Variants in OSBPL1A observed in about 807,000 individuals in gnomAD.
The protein encoded by OSBPL1A is oxysterol binding protein like 1A, also known as oxysterol-binding protein-related protein 1.
OSBPL1A carries 80 observed loss-of-function variants against 137.1 expected under a neutral mutation model. That is an observed-to-expected ratio of 0.58 (90% CI 0.49 to 0.70). OSBPL1A has a LOEUF of 0.70. Ranked by LOEUF, OSBPL1A falls within the 30% of genes least tolerant of loss-of-function variation. The pLI is 0.00. For synonymous variants in OSBPL1A, 365 were observed against 389.7 expected (o/e 0.94, Z 0.75); for missense variants, 970 against 1,129.4 (o/e 0.86, Z 2.02).
At chr18:24,244,622 G>C (rs1217553430) in intron 15 of OSBPL1A, among the ~76,000 whole-genome samples, 1 of 152,196 alleles carries the variant, frequency 6.6e-6, no homozygotes, top group African/African-American at 2.4e-5. Context: ...AAATACAAAT[G>C]TAAGCCTTTC....
intron 17 of OSBPL1A, among the ~76,000 whole-genome samples, chr18:24,202,227 G>C (rs563221753): frequency 6.6e-6 from 1 of 152,290 alleles, no homozygotes; most frequent in East Asian, 1.9e-4. Flanking sequence ...GGCAAATCTT[G>C]CAAGTCGAAG....
chr18:24,255,909 C>T (rs752788928), intron 15 of OSBPL1A, among the ~76,000 whole-genome samples: 1 of 152,106 alleles, frequency 6.6e-6, no homozygotes, highest in Non-Finnish European at 1.5e-5. Flanking sequence ...ATTCTCCTGC[C>T]TCAGCCCCCC....
At chr18:24,358,181 G>A (rs1568050887) in intron 4 of OSBPL1A, 1 of 456,048 alleles carries the variant, frequency 2.2e-6, no homozygotes, top group African/African-American at 2.0e-5. Context: ...ATGGACAAGG[G>A]CAGCAACTCC....
At chr18:24,183,485 T>C (rs1292248271) in intron 18 of OSBPL1A, among the ~76,000 whole-genome samples, 1 of 151,064 alleles carries the variant, frequency 6.6e-6, no homozygotes, top group East Asian at 1.9e-4. Flanking sequence ...CAGGCTGGAG[T>C]GCAAAGGCGC....
chr18:24,342,107 A>C (rs956468417), intron 4 of OSBPL1A, among the ~76,000 whole-genome samples: 49 of 152,258 alleles, frequency 3.2e-4, no homozygotes, highest in African/African-American at 1.2e-3. Flanking sequence ...TATTTTCTAA[A>C]GTGATATACC....
intron 16 of OSBPL1A, among the ~76,000 whole-genome samples, chr18:24,231,123 A>G (rs1343069343): frequency 1.3e-5 from 2 of 152,166 alleles, no homozygotes; most frequent in African/African-American, 2.4e-5. Context: ...TGAAAAACAT[A>G]TATTTTACAA....
chr18:24,175,541 G>A (rs1390926463), intron 21 of OSBPL1A, among the ~76,000 whole-genome samples: 3 of 152,064 alleles, frequency 2.0e-5, no homozygotes, highest in Admixed American at 2.0e-4. Context: ...GTGGCTACAA[G>A]TCCTTTGTTG....
intron 7 of OSBPL1A, chr18:24,321,607 T>C (rs563982885): frequency 5.2e-5 from 24 of 463,822 alleles, no homozygotes; most frequent in Admixed American, 3.4e-4. Context: ...ATTTTCAATT[T>C]ACAATGGTTC....
intron 17 of OSBPL1A, among the ~76,000 whole-genome samples, chr18:24,201,221 C>T (rs567485156): frequency 6.6e-6 from 1 of 152,256 alleles, no homozygotes; most frequent in African/African-American, 2.4e-5. Flanking sequence ...TAGACAACAG[C>T]ACAATAACTG....
At chr18:24,232,025 A>G (rs2088299758) in intron 16 of OSBPL1A, among the ~76,000 whole-genome samples, 2 of 152,216 alleles carry the variant, frequency 1.3e-5, no homozygotes, top group South Asian at 4.1e-4. Flanking sequence ...AACAGCCAGG[A>G]AACGCACACA....
At chr18:24,335,579 A>G (rs1052320432) in intron 5 of OSBPL1A, among the ~76,000 whole-genome samples, 2 of 152,210 alleles carry the variant, frequency 1.3e-5, no homozygotes, top group African/African-American at 2.4e-5. Flanking sequence ...AATTTCAGAG[A>G]ACGACTTGGT....
intron 12 of OSBPL1A, among the ~76,000 whole-genome samples, 162 bp from the exon 13 acceptor site, chr18:24,312,268 C>G (rs2090632958): frequency 6.6e-6 from 1 of 152,178 alleles, no homozygotes; most frequent in Non-Finnish European, 1.5e-5. Context: ...ATGTGGGTCT[C>G]TTGTCCATGA....
chr18:24,303,801 T>C, intron 13 of OSBPL1A, 83 bp from the exon 14 acceptor site: 6 of 1,146,910 alleles, frequency 5.2e-6, no homozygotes, highest in Non-Finnish European at 7.7e-6. Context: ...TATCAAAACT[T>C]TCAGTACATA....
At chr18:24,310,062 A>AG (rs1263052019) in intron 13 of OSBPL1A, among the ~76,000 whole-genome samples, 19 of 136,804 alleles carry the variant, frequency 1.4e-4, no homozygotes, top group African/African-American at 5.3e-4. Context: ...AAAAAAAAAG[A>AG]AAAAAAAAAA....
At chr18:24,337,891 T>C (rs2091202947) in intron 5 of OSBPL1A, among the ~76,000 whole-genome samples, 1 of 151,914 alleles carries the variant, frequency 6.6e-6, no homozygotes, top group African/African-American at 2.4e-5. Flanking sequence ...AGTATCACTA[T>C]GTTTGCAAAT....
At chr18:24,377,869 T>C (rs987914253) in intron 1 of OSBPL1A, among the ~76,000 whole-genome samples, 3 of 152,280 alleles carry the variant, frequency 2.0e-5, no homozygotes, top group African/African-American at 7.2e-5. Context: ...ATTATGCAAA[T>C]AGTTATTACA....
chr18:24,174,249 T>C (rs1025572817), intron 21 of OSBPL1A, among the ~76,000 whole-genome samples: 5 of 152,218 alleles, frequency 3.3e-5, no homozygotes, highest in Non-Finnish European at 5.9e-5. Flanking sequence ...AATACCTAGG[T>C]GTGATATTGC....
In OSBPL1A at chr18:24,197,672, G is replaced by A. The variant is rs138710679; in HGVS notation, c.1602-1472C>T. 4.1e-3 allele frequency among the ~76,000 whole-genome samples: 625 copies of A among 151,688 alleles called. 2 individuals are homozygous for A. Among genetic ancestry groups the A allele is most frequent in the Non-Finnish European group, 7.1e-3 (483 of 67,940 alleles). Reference sequence around the variant, plus strand: ...CCAAGACTATCAATCTCTGTGACACGAATAATAGATACCAGGAATAAGAAT... The same window carrying A: ...CCAAGACTATCAATCTCTGTGACACAAATAATAGATACCAGGAATAAGAAT... On this transcript the variant is annotated intron_variant, in intron 17 of 27. Coordinates refer to ENST00000319481, the MANE Select transcript of OSBPL1A (RefSeq NM_080597.4).
intron 18 of OSBPL1A, among the ~76,000 whole-genome samples, chr18:24,184,882 G>A (rs934113314): frequency 3.3e-5 from 5 of 151,932 alleles, no homozygotes; most frequent in African/African-American, 7.3e-5. Flanking sequence ...TGCACTTCCC[G>A]CCTCCTTCAA....
Sources: allele counts gnomAD v4.1 joint callset (sites outside exome capture counted in the v4.1 genomes callset), GRCh38; gene constraint gnomAD v4.1.1; transcripts MANE v1.5; gene names NCBI Gene and HGNC (gene_info 2026-07-23, HGNC 2026-07-21).